The following LAT2 variants were observed in gnomAD, a reference collection of about 807,000 sequenced individuals.
The protein encoded by LAT2 is linker for activation of T cells family member 2.
A neutral mutation model predicts 43.4 loss-of-function variants in LAT2; 23 were observed. The observed-to-expected ratio is 0.53, with a 90% confidence interval of 0.38 to 0.75. The LOEUF (loss-of-function observed/expected upper bound fraction) is 0.75, where lower values mean the gene tolerates loss of function less well. LAT2 is among the 30% of genes least tolerant of loss of function. LAT2 has a pLI of 0.00. For synonymous variants in LAT2, 128 were observed against 123.2 expected, an observed-to-expected ratio of 1.04 and a Z score of -0.26; for missense variants, 284 against 310.2, an observed-to-expected ratio of 0.92 and a Z score of 0.64.
intron 1 of LAT2, among the ~76,000 whole-genome samples, chr7:74,214,257 T>TATATGAAAATATATATATGAAA (rs1801880548): frequency 1.2e-5 from 1 of 80,450 alleles, no homozygotes; most frequent in South Asian, 3.6e-4. Flanking sequence ...TATATAAATA[T>TATATGAAAATATATATATGAAA]ATATATATGA....
In LAT2 at chr7:74,229,639, G is replaced by A. The variant is rs1228908498; in HGVS notation, c.*714G>A. ...GTCTAGAGAAGTAGTGACCAGAACA[G>A]GGCAGAGTAGGTCCCCTCCATGGCC... On this transcript the variant is annotated 3_prime_UTR_variant, in exon 14 of 14. Coordinates refer to ENST00000460943, the MANE Select transcript of LAT2 (RefSeq NM_032464.3). The A allele has an allele frequency of 6.6e-6, 1 of 152,520 alleles. No homozygotes were observed. Among genetic ancestry groups the A allele is most frequent in the Non-Finnish European group, 1.5e-5 (1 of 68,082 alleles). 9.4% of individuals were successfully genotyped at this position (152,520 alleles called of 1,614,324 possible). A position where few individuals can be genotyped will look rare whatever the true frequency, so the allele number is the denominator to read the frequency against.
Position 74,224,194 on chromosome 7 carries a change from A to G in LAT2, c.625A>G (p.Met209Val), listed in dbSNP as rs782095968. 6.2e-7 allele frequency: 1 copy of G among 1,613,148 alleles called. No individual in the cohort carries two copies. Among genetic ancestry groups the G allele is most frequent in the East Asian group, 2.2e-5 (1 of 44,882 alleles). The change falls in exon 12 of 14, where the codon ATG becomes GTG. Residue 209 changes from methionine (M) to valine (V), a missense_variant. Physicochemically the swap from Met to Val is conservative, Grantham distance 21. Coordinates refer to ENST00000460943, the MANE Select transcript of LAT2 (RefSeq NM_032464.3). ...IHQWRESRKVMGQLQREASPG... is the reference protein window; with the variant it reads ...IHQWRESRKVVGQLQREASPG... ...TCAGTGGCGCGAGTCCAGGAAGGTCATGGGTAGGTGGCCGGGAGAAGAGGC... is the reference window on the plus strand; with the variant it reads ...TCAGTGGCGCGAGTCCAGGAAGGTCGTGGGTAGGTGGCCGGGAGAAGAGGC...
In LAT2 at chr7:74,224,101, C is replaced by G. The variant is rs782724628; in HGVS notation, c.532C>G (p.Leu178Val). The change falls in exon 12 of 14, where the codon CTC becomes GTC. Residue 178 changes from leucine to valine, a missense_variant. Physicochemically the swap from Leu to Val is conservative, Grantham distance 32. Coordinates refer to ENST00000460943, the MANE Select transcript of LAT2 (RefSeq NM_032464.3). ...CCTGAAGACTGGCCCCACTTCTGGT[C>G]TCTGTCCCTCTGCCTCCCCGGAAGA... is the stretch of plus-strand genomic sequence containing the variant. ...LALKTGPTSG[L>V]CPSASPEEDE... The G allele has an allele frequency of 6.2e-7, 1 of 1,614,190 alleles. No homozygotes were observed. Among genetic ancestry groups the G allele is most frequent in the Non-Finnish European group, 8.5e-7 (1 of 1,180,024 alleles).
At chr7:74,214,349 A>AATATATATATAAATATATATATATGAAC (rs1801894179) in intron 1 of LAT2, among the ~76,000 whole-genome samples, 1 of 55,040 alleles carries the variant, frequency 1.8e-5, no homozygotes, top group African/African-American at 7.1e-5. Flanking sequence ...TATATATGAA[A>AATATATATATAAATATATATATATGAAC]ATATATATAT....
chr7:74,216,373 C>G (rs1278591993), intron 3 of LAT2, among the ~76,000 whole-genome samples: 6 of 151,968 alleles, frequency 3.9e-5, no homozygotes, highest in Non-Finnish European at 8.8e-5. Context: ...GAGCAAATAC[C>G]CTTTTTTCTT....
Position 74,219,698 on chromosome 7 carries a change from C to T in LAT2, c.135-46C>T, listed in dbSNP as rs782431578. The T allele has an allele frequency of 1.3e-5, 21 of 1,611,414 alleles. No individual in the cohort carries two copies. The South Asian group carries it at 1.9e-4, about 14-fold the overall frequency. On this transcript the variant is annotated intron_variant, in intron 4 of 13. Coordinates refer to ENST00000460943, the MANE Select transcript of LAT2 (RefSeq NM_032464.3). ...TCCCTCCTGTCCCTGTGTTCTTGGG[C>T]TGTGGGAGTCCAGGCCCAGGCTCAG... is the stretch of plus-strand genomic sequence containing the variant.
At chr7:74,228,618 T>C (rs1317275204) in intron 13 of LAT2, among the ~76,000 whole-genome samples, 2 of 136,740 alleles carry the variant, frequency 1.5e-5, no homozygotes, top group Non-Finnish European at 3.1e-5. Context: ...ACCCTGTCTC[T>C]ACTAAAAATA....
intron 1 of LAT2, among the ~76,000 whole-genome samples, chr7:74,210,405 C>T (rs558208475): frequency 1.4e-4 from 21 of 152,280 alleles, no homozygotes; most frequent in African/African-American, 4.1e-4. Context: ...CTGGGAGCCT[C>T]GGTTTCCTCA....
At chr7:74,210,831 C>A (rs1801707086) in intron 1 of LAT2, among the ~76,000 whole-genome samples, 1 of 151,990 alleles carries the variant, frequency 6.6e-6, no homozygotes, top group South Asian at 2.1e-4. Flanking sequence ...AATGAAAAAA[C>A]CAACAGACCC....
chr7:74,216,464 C>G (rs577769068), intron 3 of LAT2, among the ~76,000 whole-genome samples: 1 of 152,084 alleles, frequency 6.6e-6, no homozygotes, highest in Non-Finnish European at 1.5e-5. Flanking sequence ...ATCCAACTCT[C>G]GGGTTGAAGC....
chr7:74,216,584 C>A (rs1232644895), intron 3 of LAT2, among the ~76,000 whole-genome samples: 1 of 152,150 alleles, frequency 6.6e-6, no homozygotes, highest in Non-Finnish European at 1.5e-5. Context: ...GTTGGCCAGG[C>A]TGGTCACGAA....
chr7:74,225,767 C>T (rs907558396), intron 13 of LAT2: 3 of 152,360 alleles, frequency 2.0e-5, no homozygotes, highest in African/African-American at 2.4e-5. Context: ...AGACCCAGGC[C>T]GTCATCTCAG....
At position 74,220,987 on chromosome 7, in the gene LAT2, A is replaced by G. The variant is rs1171116053; in HGVS notation, c.332+253A>G. Among the ~76,000 whole-genome samples, 3 of 152,156 alleles carry G rather than the reference A, an allele frequency of 2.0e-5. No individual in the cohort carries two copies. The highest frequency in any genetic ancestry group is 4.4e-5 in the Non-Finnish European group (3 of 68,022). On this transcript the variant is annotated intron_variant, in intron 9 of 13. Transcript: ENST00000460943. This position sits in a 1 kb window ranked among gnomAD's most constrained non-coding sequence, Gnocchi z 4.5. ...GACTTTGCCCTGCTCTGGGACACAG[A>G]GTGTCAGGGGCGGGGGATAGAGACT...
intron 10 of LAT2, among the ~76,000 whole-genome samples, chr7:74,222,641 T>G (rs1802331689): frequency 6.6e-6 from 1 of 151,776 alleles, no homozygotes; most frequent in Non-Finnish European, 1.5e-5. Context: ...TGTCACGATC[T>G]TGGTTCACTG....
chr7:74,224,586 A>G (rs1802414844), intron 12 of LAT2, 53 bp from the exon 13 acceptor site: 3 of 1,468,404 alleles, frequency 2.0e-6, no homozygotes, highest in East Asian at 4.9e-5. Flanking sequence ...GGGAGCAGTC[A>G]TGGGTGTCTC....
intron 10 of LAT2, among the ~76,000 whole-genome samples, chr7:74,222,685 T>C (rs2116173210): frequency 6.6e-6 from 1 of 152,164 alleles, no homozygotes; most frequent in East Asian, 2.0e-4. Context: ...GCGATTTTCC[T>C]GCCTCAGCCT....
intron 10 of LAT2, among the ~76,000 whole-genome samples, chr7:74,222,993 A>T (rs1554715529): frequency 6.6e-6 from 1 of 152,112 alleles, no homozygotes. Flanking sequence ...GAGGTGCCAT[A>T]CTCAGCCTGG....
chr7:74,229,194 C>G lies in LAT2; in HGVS notation c.*269C>G, dbSNP rs539558846. On this transcript the variant is annotated 3_prime_UTR_variant, in exon 14 of 14. Transcript: ENST00000460943. ...GGCAGGCACCTGGTACCAAGGGTAA[C>G]CCGGCTCCTGGTATGGACGGATGCG... is the stretch of plus-strand genomic sequence containing the variant. The G allele has an allele frequency of 4.6e-5, 7 of 152,354 alleles. No individual in the cohort carries two copies. The highest frequency in any genetic ancestry group is 1.7e-4 in the African/African-American group (7 of 41,568). The allele number at this position is 152,354 out of a possible 1,614,324, so 9.4% of individuals were successfully genotyped here. A position where few individuals can be genotyped will look rare whatever the true frequency, so the allele number is the denominator to read the frequency against.
In LAT2 at chr7:74,220,093, T is replaced by A; in HGVS notation, c.227+85T>A. 1 of 1,564,480 alleles carries A rather than the reference T, an allele frequency of 6.4e-7. No homozygotes were observed. The highest frequency in any genetic ancestry group is 1.1e-5 in the South Asian group (1 of 87,218). The stretch of plus-strand genomic sequence containing the variant: ...GAGCCCAGGTCAAGACCTCCCTCCC[T>A]CCCCGAGTCCCAGAGCTCCAGGGCT... On this transcript the variant is annotated intron_variant, in intron 6 of 13. Transcript: ENST00000460943. The surrounding 1 kb of genome is among the most constrained non-coding windows in gnomAD (Gnocchi z 4.5).
Sources: gnomAD v4.1 joint callset for allele counts (sites outside exome capture counted in the v4.1 genomes callset) on GRCh38, gnomAD v4.1.1 for gene constraint, Gnocchi (gnomAD v3.1) non-coding constraint, MANE v1.5 for transcripts, NCBI Gene and HGNC (gene_info 2026-07-23, HGNC 2026-07-21) for gene names.